The following ITGAE variants were observed in gnomAD, a reference collection of about 807,000 sequenced individuals.
The protein encoded by ITGAE is integrin alpha-E.
A neutral mutation model predicts 136.5 loss-of-function variants in ITGAE; 99 were observed. The observed-to-expected ratio is 0.73, with a 90% CI of 0.62 to 0.86. The LOEUF is 0.86. Ranked by LOEUF, ITGAE falls within the 40% of genes least tolerant of loss-of-function variation. The probability of loss-of-function intolerance (pLI) is 0.00; values close to 1 mark genes in which losing one functional copy is unlikely to be tolerated. For missense variants in ITGAE, 1,447 were observed against 1,515.3 expected, an observed-to-expected ratio of 0.95 and a Z score of 0.75; for synonymous variants, 613 against 591.8, an observed-to-expected ratio of 1.04 and a Z score of -0.52.
chr17:3,739,659 A>T, intron 20 of ITGAE, 146 bp downstream of exon 20: 1 of 685,784 alleles, frequency 1.5e-6, no homozygotes, highest in Non-Finnish European at 2.7e-6. Flanking sequence ...GTAGCTGAGG[A>T]CATATTGAGA....
intron 26 of ITGAE, chr17:3,726,234 A>G: frequency 1.9e-6 from 3 of 1,614,248 alleles, no homozygotes; most frequent in African/African-American, 1.3e-5. Flanking sequence ...CACTCCTGCC[A>G]TGAAGCAAAT....
chr17:3,795,952 CATCCCTGTGTGTGCGT>C (rs2053068176), intron 1 of ITGAE, among the ~76,000 whole-genome samples: 3 of 108,052 alleles, frequency 2.8e-5, no homozygotes, highest in Admixed American at 1.0e-4. Flanking sequence ...TCCGTGTGTG[CATCCCTGTGTGTGCGT>C]GTGTGCATCC....
At chr17:3,797,412 A>T (rs976750552) in intron 1 of ITGAE, among the ~76,000 whole-genome samples, 5 of 146,834 alleles carry the variant, frequency 3.4e-5, no homozygotes, top group Non-Finnish European at 7.5e-5. Flanking sequence ...TGATCTGCCC[A>T]CCTTGGCCTC....
At position 3,798,534 on chromosome 17, in the gene ITGAE, C is replaced by G. The variant is rs2053176807; in HGVS notation, c.34+2577G>C. On this transcript the variant is annotated intron_variant, in intron 1 of 30. Coordinates refer to ENST00000263087, the MANE Select transcript of ITGAE (RefSeq NM_002208.5). The surrounding 1 kb of genome is among the most constrained non-coding windows in gnomAD (Gnocchi z 4.3). The stretch of plus-strand genomic sequence containing the variant: ...TGTACTTGCCAAGGACCTCCCCGTC[C>G]TTCAGAGCCCACCTCAGATGCTACA... Among the ~76,000 whole-genome samples the G allele has an allele frequency of 6.6e-6, 1 of 152,182 alleles. No homozygotes were observed. Among genetic ancestry groups the G allele is most frequent in the African/African-American group, 2.4e-5 (1 of 41,440 alleles).
chr17:3,792,109 T>C (rs1375861212), intron 1 of ITGAE, among the ~76,000 whole-genome samples: 2 of 152,156 alleles, frequency 1.3e-5, no homozygotes, highest in Non-Finnish European at 2.9e-5. Context: ...TATCTATATT[T>C]AATTTTATTT....
At chr17:3,773,448 C>T (rs2052473104) in intron 2 of ITGAE, among the ~76,000 whole-genome samples, 1 of 151,554 alleles carries the variant, frequency 6.6e-6, no homozygotes, top group Admixed American at 6.6e-5. Context: ...CATGCCACCA[C>T]ACTCCAGCCT....
At position 3,798,914 on chromosome 17, in the gene ITGAE, A is replaced by G. The variant is rs1597380633; in HGVS notation, c.34+2197T>C. On this transcript the variant is annotated intron_variant, in intron 1 of 30. Coordinates refer to ENST00000263087, the MANE Select transcript of ITGAE (RefSeq NM_002208.5). The surrounding 1 kb of genome is among the most constrained non-coding windows in gnomAD (Gnocchi z 4.3). The stretch of plus-strand genomic sequence containing the variant: ...GGGTTTCAGTGTCTGTCTGCACCCA[A>G]TGCTTCTAAAATCTCCCTTAGACAA... 6.6e-6 allele frequency among the ~76,000 whole-genome samples: 1 copy of G among 152,162 alleles called. No individual in the cohort carries two copies. Among genetic ancestry groups the G allele is most frequent in the African/African-American group, 2.4e-5 (1 of 41,428 alleles).
chr17:3,785,597 A>G (rs1205429055), intron 1 of ITGAE, among the ~76,000 whole-genome samples: 1 of 152,154 alleles, frequency 6.6e-6, no homozygotes, highest in Admixed American at 6.6e-5. Context: ...TAAGCAATGC[A>G]TTTCTAAATA....
intron 1 of ITGAE, among the ~76,000 whole-genome samples, chr17:3,783,410 C>G (rs1355882547): frequency 6.6e-6 from 1 of 152,208 alleles, no homozygotes; most frequent in Non-Finnish European, 1.5e-5. Flanking sequence ...TCCCAAAGTG[C>G]TGGGATTACA....
At chr17:3,762,686 C>T (rs2052204459) in intron 3 of ITGAE, among the ~76,000 whole-genome samples, 2 of 150,830 alleles carry the variant, frequency 1.3e-5, no homozygotes, top group East Asian at 3.9e-4. Context: ...CAAGCTCCGC[C>T]TCCCAGGTTC....
Position 3,760,997 on chromosome 17 carries a change from A to T in ITGAE, c.598+16T>A, listed in dbSNP as rs762603895. ...CTCTGATAGACTCAGAGCAACCCAG[A>T]TCTGCCTCTTCTCACCAGCTTCCTC... On this transcript the variant is annotated intron_variant, in intron 6 of 30. Coordinates refer to ENST00000263087, the MANE Select transcript of ITGAE (RefSeq NM_002208.5). 1 of 1,594,582 alleles carries T rather than the reference A, an allele frequency of 6.3e-7. No individual in the cohort carries two copies. The highest frequency in any genetic ancestry group is 8.5e-7 in the Non-Finnish European group (1 of 1,177,320).
intron 21 of ITGAE, 92 bp downstream of exon 21, chr17:3,734,725 G>T (rs185244109): frequency 1.3e-6 from 2 of 1,495,468 alleles, no homozygotes; most frequent in Non-Finnish European, 9.2e-7. Flanking sequence ...GCTGGAGGCA[G>T]GGGTGCCAGT....
intron 1 of ITGAE, among the ~76,000 whole-genome samples, chr17:3,778,330 A>G (rs1278016163): frequency 6.6e-6 from 1 of 152,174 alleles, no homozygotes; most frequent in Admixed American, 6.5e-5. Context: ...TGGGAGGCCG[A>G]GGCGGCTGGA....
At chr17:3,752,062 C>T (rs1449603227) in intron 14 of ITGAE, among the ~76,000 whole-genome samples, 188 bp from the exon 15 acceptor site, 1 of 151,724 alleles carries the variant, frequency 6.6e-6, no homozygotes, top group Non-Finnish European at 1.5e-5. Flanking sequence ...CCGGTGGGTG[C>T]CCACTCCGTT....
At chr17:3,743,747 G>C in intron 18 of ITGAE, 130 bp from the exon 19 acceptor site, 1 of 933,040 alleles carries the variant, frequency 1.1e-6, no homozygotes, top group Non-Finnish European at 1.5e-6. Context: ...CTGTTGCCCA[G>C]GCTGGAGTGC....
At chr17:3,724,948 G>T in intron 26 of ITGAE, 1 of 1,613,778 alleles carries the variant, frequency 6.2e-7, no homozygotes, top group Non-Finnish European at 8.5e-7. Context: ...AGATCAAGCC[G>T]GAAGAGCAAA....
chr17:3,756,855 G>A, intron 10 of ITGAE, 129 bp downstream of exon 10: 2 of 1,019,814 alleles, frequency 2.0e-6, no homozygotes, highest in Admixed American at 2.7e-5. Flanking sequence ...TGCCTTTTTA[G>A]ACATGGAAGA....
chr17:3,756,901 G>A, intron 10 of ITGAE, 83 bp downstream of exon 10: 1 of 1,459,514 alleles, frequency 6.9e-7, no homozygotes, highest in Non-Finnish European at 9.3e-7. Context: ...GTTGCTCAGA[G>A]AAACCACATG....
At chr17:3,781,738 C>CT (rs2052672490) in intron 1 of ITGAE, among the ~76,000 whole-genome samples, 2 of 152,284 alleles carry the variant, frequency 1.3e-5, no homozygotes, top group South Asian at 2.1e-4. Context: ...TACAACTTTA[C>CT]TTTTTTCCCA....
Sources: allele counts gnomAD v4.1 joint callset (sites outside exome capture counted in the v4.1 genomes callset), GRCh38; gene constraint gnomAD v4.1.1; non-coding constraint Gnocchi (gnomAD v3.1); transcripts MANE v1.5; gene names NCBI Gene and HGNC (gene_info 2026-07-23, HGNC 2026-07-21).